The following TG variants were observed in gnomAD, a reference collection of about 807,000 sequenced individuals.
The protein encoded by TG is thyroid hormones.
In TG, 270 loss-of-function variants were observed where a neutral mutation model predicts 324.7. The observed-to-expected ratio is 0.83, with a 90% CI of 0.75 to 0.92. TG has a LOEUF of 0.92. TG is among the 40% of genes least tolerant of loss of function. The pLI is 0.00. For missense variants in TG, 3,591 were observed against 3,456.4 expected, an observed-to-expected ratio of 1.04 and a Z score of -0.98; for synonymous variants, 1,401 against 1,327.0, an observed-to-expected ratio of 1.06 and a Z score of -1.21.
chr8:133,099,507 G>A (rs1848931110), intron 43 of TG, among the ~76,000 whole-genome samples: 1 of 152,134 alleles, frequency 6.6e-6, no homozygotes, highest in African/African-American at 2.4e-5. Flanking sequence ...TATTCCTCCT[G>A]GACTTTTCCC....
rs1187468786 is a variant in TG, at chr8:132,966,670, C to G, written c.5659C>G (p.Gln1887Glu). The change falls in exon 30 of 48, where the codon CAG (glutamine) becomes GAG (glutamate). Residue 1887 changes from glutamine (Q) to glutamate (E), a missense_variant. Coordinates refer to ENST00000220616, the MANE Select transcript of TG (RefSeq NM_003235.5). The part of the protein sequence containing the change: ...HWLFKHLFSA[Q>E]QANLWCLSRC... Reference sequence around the variant, plus strand: ...GCTTTTCAAGCACCTGTTTTCAGCCCAGCAGGCAAACCTATGGTGCCTTTC... The same window carrying G: ...GCTTTTCAAGCACCTGTTTTCAGCCGAGCAGGCAAACCTATGGTGCCTTTC... The G allele has an allele frequency of 1.2e-6, 2 of 1,614,096 alleles. No homozygotes were observed. The highest frequency in any genetic ancestry group is 2.2e-5 in the East Asian group (1 of 44,874).
intron 46 of TG, 50 bp downstream of exon 46, chr8:133,131,996 G>A (rs759667971): frequency 3.5e-5 from 57 of 1,612,294 alleles, no homozygotes; most frequent in South Asian, 4.4e-5. Flanking sequence ...TTTTCCTCCC[G>A]CTTCCTTCAA....
chr8:132,940,086 C>T (rs568778154), intron 25 of TG, among the ~76,000 whole-genome samples: 1 of 152,248 alleles, frequency 6.6e-6, no homozygotes, highest in African/African-American at 2.4e-5. Flanking sequence ...TTAGGGACTT[C>T]CTTGGCAGGG....
In TG at chr8:133,039,953, G is replaced by GCACGCACACACACA. The variant is rs1554706051; in HGVS notation, c.7239+9933_7239+9934insGCACACACACACAC. On this transcript the variant is annotated intron_variant, in intron 41 of 47. Transcript: ENST00000220616. ...TCACATGTTCACAGAGCACTTGCATGCACACACACACACACACACACACAC... is the reference window on the plus strand; with the variant it reads ...TCACATGTTCACAGAGCACTTGCATGCACGCACACACACACACACACACACACACACACACACAC... 2.1e-6 allele frequency: 3 copies of GCACGCACACACACA among 1,434,338 alleles called. No individual in the cohort carries two copies. In the African/African-American group the frequency reaches 4.4e-5, roughly 21 times the overall value. 88.9% of individuals were successfully genotyped at this position (1,434,338 alleles called of 1,614,324 possible).
chr8:133,083,393 CAAAT>C (rs1166370102), intron 41 of TG, among the ~76,000 whole-genome samples: 1 of 152,204 alleles, frequency 6.6e-6, no homozygotes, highest in Non-Finnish European at 1.5e-5. Context: ...TTCATCTTAA[CAAAT>C]GAATGAGGTA....
intron 37 of TG, 129 bp downstream of exon 37, chr8:133,013,893 C>G (rs1306797531): frequency 7.2e-6 from 8 of 1,110,492 alleles, no homozygotes; most frequent in Non-Finnish European, 1.0e-5. Context: ...GTGGCACTCA[C>G]TTGAGGTAGA....
At chr8:133,081,277 T>G (rs569399226) in intron 41 of TG, among the ~76,000 whole-genome samples, 5 of 152,260 alleles carry the variant, frequency 3.3e-5, no homozygotes, top group African/African-American at 1.2e-4. Flanking sequence ...CCCAAAGATG[T>G]GATCCGTAAC....
chr8:133,016,264 G>A (rs780041822), intron 37 of TG, among the ~76,000 whole-genome samples: 40 of 152,170 alleles, frequency 2.6e-4, no homozygotes, highest in East Asian at 7.7e-4. Flanking sequence ...CTCAGAACCC[G>A]CTGACATTTG....
chr8:132,893,408 G>A (rs1460591679), intron 10 of TG, among the ~76,000 whole-genome samples: 3 of 135,844 alleles, frequency 2.2e-5, no homozygotes, highest in Non-Finnish European at 4.7e-5. Flanking sequence ...GTGTATGTGT[G>A]TGGTGTGGTG....
At chr8:133,049,948 G>C (rs1334627419) in intron 41 of TG, 3 of 1,613,446 alleles carry the variant, frequency 1.9e-6, no homozygotes, top group African/African-American at 2.7e-5. Flanking sequence ...TAACTCTCTC[G>C]ACCAGTGCTA....
intron 1 of TG, among the ~76,000 whole-genome samples, chr8:132,867,799 C>A (rs117109942): frequency 6.6e-6 from 1 of 151,906 alleles, no homozygotes; most frequent in Admixed American, 6.6e-5. Context: ...GGGCGGGGAA[C>A]GTGTAGTCCC....
chr8:133,002,664 C>A, intron 35 of TG: 1 of 222,290 alleles, frequency 4.5e-6, no homozygotes, highest in South Asian at 9.1e-5. Context: ...CACTGGTTCT[C>A]ACACAGTGCG....
chr8:133,044,052 A>T (rs930016081), intron 41 of TG, among the ~76,000 whole-genome samples: 3 of 152,096 alleles, frequency 2.0e-5, no homozygotes, highest in South Asian at 4.1e-4. Flanking sequence ...GGGAGGGGGA[A>T]CTACTAGTGT....
chr8:132,994,805 G>A, intron 35 of TG: 1 of 1,287,334 alleles, frequency 7.8e-7, no homozygotes, highest in Non-Finnish European at 1.0e-6. Context: ...TCATGGGAAG[G>A]TGAGATGGGG....
At chr8:133,095,019 G>A (rs370605783) in intron 41 of TG, 25 bp from the exon 42 acceptor site, 1 of 1,612,428 alleles carries the variant, frequency 6.2e-7, no homozygotes, top group African/African-American at 1.3e-5. Flanking sequence ...TGAACCATCT[G>A]CCCTGAGCCT....
chr8:132,943,153 T>G (rs1300545469), intron 26 of TG, among the ~76,000 whole-genome samples: 1 of 152,178 alleles, frequency 6.6e-6, no homozygotes, highest in African/African-American at 2.4e-5. Context: ...TGTTTGTCCC[T>G]CCTCATCTCA....
chr8:132,972,515 C>G, intron 33 of TG, 83 bp from the exon 34 acceptor site: 5 of 1,505,286 alleles, frequency 3.3e-6, no homozygotes, highest in Non-Finnish European at 4.6e-6. Context: ...AATGTACTTG[C>G]AGAATTTTTC....
Position 132,893,883 on chromosome 8 carries a change from G to A in TG, c.2955G>A (p.Gln985=). 6.2e-7 allele frequency: 1 copy of A among 1,614,080 alleles called. No individual in the cohort carries two copies. The highest frequency in any genetic ancestry group is 8.5e-7 in the Non-Finnish European group (1 of 1,179,970). ...CGCCCCGGGAGGCTTTCGCGGAGCA[G>A]TTTCTGCGTGGGAGTGATTACGCCA... ...LFPPREAFAE[Q]FLRGSDYAIR... is the part of the protein sequence containing the mutation. The change falls in exon 11 of 48, where the codon CAG becomes CAA. Residue 985 remains glutamine, a synonymous_variant. Coordinates refer to ENST00000220616, the MANE Select transcript of TG (RefSeq NM_003235.5).
chr8:133,116,369 T>G (rs937393202), intron 44 of TG, among the ~76,000 whole-genome samples: 3 of 152,236 alleles, frequency 2.0e-5, no homozygotes, highest in African/African-American at 4.8e-5. Context: ...GGACGCCAGT[T>G]TTCGAGCCCA....
Sources: allele counts gnomAD v4.1 joint callset (sites outside exome capture counted in the v4.1 genomes callset), GRCh38; gene constraint gnomAD v4.1.1; transcripts MANE v1.5; gene names NCBI Gene and HGNC (gene_info 2026-07-23, HGNC 2026-07-21).